Variants in BNC2 observed in about 807,000 individuals in gnomAD.
BNC2 encodes the protein basonuclin zinc finger protein 2, also known as zinc finger protein basonuclin-2.
A neutral mutation model predicts 76.3 loss-of-function variants in BNC2; 20 were observed. That is an observed-to-expected ratio of 0.26 (90% confidence interval 0.18 to 0.38). The LOEUF (loss-of-function observed/expected upper bound fraction) is 0.38. Among genes scored for constraint, BNC2 ranks in the 10% least tolerant of loss-of-function variants. The pLI is 1.00. For synonymous variants in BNC2, 582 were observed against 514.8 expected, an observed-to-expected ratio of 1.13 and a Z score of -1.77; for missense variants, 1,382 against 1,399.8, an observed-to-expected ratio of 0.99 and a Z score of 0.20.
At chr9:16,732,806 G>A (rs149101725) in intron 2 of BNC2, among the ~76,000 whole-genome samples, 3 of 152,226 alleles carry the variant, frequency 2.0e-5, no homozygotes, top group South Asian at 2.1e-4. Context: ...TAAAAATGAC[G>A]CTCCACATCG....
intron 3 of BNC2, among the ~76,000 whole-genome samples, chr9:16,666,729 C>A (rs1329984976): frequency 6.6e-6 from 1 of 152,092 alleles, no homozygotes; most frequent in Admixed American, 6.6e-5. Flanking sequence ...TCTGTTTTGC[C>A]GCCCATCTGA....
At chr9:16,869,678 C>G (rs1373120242) in intron 1 of BNC2, among the ~76,000 whole-genome samples, 2 of 152,166 alleles carry the variant, frequency 1.3e-5, no homozygotes, top group Non-Finnish European at 2.9e-5. Context: ...CCATTTCTAA[C>G]AAATCACTTC....
At chr9:16,769,043 A>G (rs1285784289) in intron 1 of BNC2, among the ~76,000 whole-genome samples, 9 of 152,212 alleles carry the variant, frequency 5.9e-5, no homozygotes, top group Non-Finnish European at 1.3e-4. Flanking sequence ...ACAATGGAAG[A>G]GGATTAGGCA....
At chr9:16,434,546 C>A (rs1285988466) in intron 6 of BNC2, among the ~76,000 whole-genome samples, 1 of 152,142 alleles carries the variant, frequency 6.6e-6, no homozygotes, top group Non-Finnish European at 1.5e-5. Flanking sequence ...CTGTGTGACC[C>A]GAGTTGGGCT....
Position 16,811,881 on chromosome 9 carries a change from C to T in BNC2, c.3+58765G>A, listed in dbSNP as rs145338505. 1.8e-3 allele frequency among the ~76,000 whole-genome samples: 279 copies of T among 152,284 alleles called. 3 individuals are homozygous for T. The highest frequency in any genetic ancestry group is 6.1e-3 in the African/African-American group (253 of 41,548). On this transcript the variant is annotated intron_variant, in intron 1 of 6. Coordinates refer to ENST00000380672, the MANE Select transcript of BNC2 (RefSeq NM_017637.6). The stretch of plus-strand genomic sequence containing the variant: ...TCTTGAGTTGGGTTAGATGATGCAG[C>T]GGAGGTCTCAAACAGAAATCTACCT...
intron 3 of BNC2, among the ~76,000 whole-genome samples, chr9:16,656,972 C>G (rs1821948742): frequency 6.6e-6 from 1 of 152,104 alleles, no homozygotes. Context: ...TTTCTGGTTT[C>G]TAGCCAGATG....
chr9:16,841,472 C>CA (rs1390887411), intron 1 of BNC2, among the ~76,000 whole-genome samples: 1 of 152,154 alleles, frequency 6.6e-6, no homozygotes, highest in African/African-American at 2.4e-5. Context: ...AATTATTCCT[C>CA]AAAATGTAGA....
chr9:16,545,369 G>C (rs1476851920), intron 5 of BNC2, among the ~76,000 whole-genome samples: 1 of 152,098 alleles, frequency 6.6e-6, no homozygotes, highest in Non-Finnish European at 1.5e-5. Context: ...TTAGCAAGTG[G>C]TACTACTAAG....
At chr9:16,699,630 G>GT (rs1823449195) in intron 3 of BNC2, among the ~76,000 whole-genome samples, 1 of 152,182 alleles carries the variant, frequency 6.6e-6, no homozygotes, top group Admixed American at 6.5e-5. Context: ...ATCTACAATA[G>GT]TAACAGACAG....
intron 3 of BNC2, chr9:16,726,710 G>C (rs1379444721): frequency 6.6e-6 from 1 of 152,066 alleles, no homozygotes; most frequent in African/African-American, 2.4e-5. Context: ...AACTTGCTTT[G>C]TGTGTGGATG....
chr9:16,670,255 A>C (rs1320345739), intron 3 of BNC2, among the ~76,000 whole-genome samples: 1 of 152,186 alleles, frequency 6.6e-6, no homozygotes, highest in Non-Finnish European at 1.5e-5. Context: ...AAAGAGCCAA[A>C]TTACCCTGTG....
intron 3 of BNC2, among the ~76,000 whole-genome samples, chr9:16,635,972 G>C (rs1361928051): frequency 6.6e-6 from 1 of 152,142 alleles, no homozygotes; most frequent in Non-Finnish European, 1.5e-5. Context: ...GATACATTAA[G>C]AGGGTTGGTT....
chr9:16,730,115 C>T (rs1452771336), intron 2 of BNC2, among the ~76,000 whole-genome samples: 2 of 152,004 alleles, frequency 1.3e-5, no homozygotes, highest in Non-Finnish European at 2.9e-5. Context: ...CACACACACA[C>T]TAACAACACA....
chr9:16,788,802 G>A (rs1189312687), intron 1 of BNC2, among the ~76,000 whole-genome samples: 2 of 152,022 alleles, frequency 1.3e-5, no homozygotes, highest in African/African-American at 4.8e-5. Flanking sequence ...TGACTTGCAG[G>A]ACAATCCCAC....
intron 1 of BNC2, among the ~76,000 whole-genome samples, chr9:16,857,965 T>C (rs980127687): frequency 2.0e-5 from 3 of 152,244 alleles, no homozygotes; most frequent in African/African-American, 7.2e-5. Flanking sequence ...GATGAGGTAT[T>C]TTAATTACAA....
At chr9:16,490,425 T>C (rs1224765212) in intron 5 of BNC2, among the ~76,000 whole-genome samples, 3 of 152,176 alleles carry the variant, frequency 2.0e-5, no homozygotes, top group African/African-American at 7.2e-5. Flanking sequence ...CACGTGGGAA[T>C]TCTGGGAGAT....
intron 3 of BNC2, among the ~76,000 whole-genome samples, chr9:16,588,831 G>A (rs1819841352): frequency 6.6e-6 from 1 of 152,146 alleles, no homozygotes; most frequent in Non-Finnish European, 1.5e-5. Flanking sequence ...CCAATCTTCT[G>A]ACCAAATCAT....
At chr9:16,849,782 A>T (rs1321689500) in intron 1 of BNC2, among the ~76,000 whole-genome samples, 1 of 152,186 alleles carries the variant, frequency 6.6e-6, no homozygotes, top group East Asian at 1.9e-4. Context: ...AAGTCAACAT[A>T]AAAAAACTGA....
chr9:16,723,684 C>T (rs979216243), intron 3 of BNC2, among the ~76,000 whole-genome samples: 1 of 151,954 alleles, frequency 6.6e-6, no homozygotes, highest in African/African-American at 2.4e-5. Flanking sequence ...CTGAAAGGTG[C>T]TAGATTTTTA....
Sources: allele counts gnomAD v4.1 joint callset (sites outside exome capture counted in the v4.1 genomes callset), GRCh38; gene constraint gnomAD v4.1.1; transcripts MANE v1.5; gene names NCBI Gene and HGNC (gene_info 2026-07-23, HGNC 2026-07-21).